Variants in RBFOX1 observed in about 807,000 individuals in gnomAD.
RBFOX1 encodes RNA binding fox-1 homolog 1.
A neutral mutation model predicts 57.7 loss-of-function variants in RBFOX1; 8 were observed. The observed-to-expected ratio is 0.14, with a 90% CI of 0.08 to 0.25. The LOEUF is 0.25. Ranked by LOEUF, RBFOX1 falls within the 10% of genes least tolerant of loss-of-function variation. The pLI is 1.00. For synonymous variants in RBFOX1, 326 were observed against 222.4 expected, an observed-to-expected ratio of 1.47 and a Z score of -4.15; for missense variants, 611 against 548.5, an observed-to-expected ratio of 1.11 and a Z score of -1.14.
chr16:6,325,763 G>C (rs1265689265), intron 2 of RBFOX1, among the ~76,000 whole-genome samples: 2 of 152,144 alleles, frequency 1.3e-5, no homozygotes, highest in Non-Finnish European at 2.9e-5. Flanking sequence ...CTTTTGAGAA[G>C]CTCCAAAGCA....
intron 3 of RBFOX1, among the ~76,000 whole-genome samples, chr16:6,951,134 T>C (rs575273488): frequency 1.6e-4 from 25 of 152,278 alleles, no homozygotes; most frequent in African/African-American, 6.0e-4. Flanking sequence ...CTTAAACTCC[T>C]GGACTCAACA....
At chr16:6,317,206 A>G (rs1052503708) in intron 2 of RBFOX1, 149 bp downstream of exon 2, 3 of 697,038 alleles carry the variant, frequency 4.3e-6, no homozygotes, top group Admixed American at 5.8e-5. Flanking sequence ...CTATTGTATC[A>G]GAGATGAGAA....
chr16:5,691,935 A>G (rs1354962655), intron 3 of RBFOX1, among the ~76,000 whole-genome samples: 1 of 152,130 alleles, frequency 6.6e-6, no homozygotes. Flanking sequence ...CTTTGTGGTC[A>G]TCTTGCTGTG....
At chr16:6,107,511 A>G (rs2096395533) in intron 1 of RBFOX1, among the ~76,000 whole-genome samples, 1 of 152,238 alleles carries the variant, frequency 6.6e-6, no homozygotes. Flanking sequence ...TATATCCTCT[A>G]TGTATTAATT....
chr16:5,973,704 G>C (rs2060007910), intron 4 of RBFOX1, among the ~76,000 whole-genome samples: 1 of 152,136 alleles, frequency 6.6e-6, no homozygotes, highest in Non-Finnish European at 1.5e-5. Flanking sequence ...GAGTTTCTTT[G>C]TTCTAAACAA....
chr16:7,138,687 A>G (rs994951476), intron 4 of RBFOX1, among the ~76,000 whole-genome samples: 5 of 152,156 alleles, frequency 3.3e-5, no homozygotes, highest in African/African-American at 1.2e-4. Flanking sequence ...CTAATCATCT[A>G]CCTTCATCAT....
intron 3 of RBFOX1, among the ~76,000 whole-genome samples, chr16:6,863,723 C>G (rs1420691049): frequency 1.0e-4 from 4 of 39,584 alleles, no homozygotes; most frequent in South Asian, 1.1e-3. Context: ...TGGATGCCTG[C>G]GCTTTTTTTT....
intron 4 of RBFOX1, among the ~76,000 whole-genome samples, chr16:7,275,504 G>A (rs1310205676): frequency 2.0e-5 from 3 of 152,250 alleles, no homozygotes; most frequent in Admixed American, 2.0e-4. Flanking sequence ...CTGCATATAT[G>A]TGCTTCCATA....
chr16:5,961,436 T>C (rs1380186082), intron 4 of RBFOX1, among the ~76,000 whole-genome samples: 2 of 152,224 alleles, frequency 1.3e-5, no homozygotes, highest in Non-Finnish European at 2.9e-5. Context: ...CTTCACACTA[T>C]ATTTGTTTGG....
intron 1 of RBFOX1, among the ~76,000 whole-genome samples, chr16:5,455,899 G>A (rs1489262784): frequency 6.6e-6 from 1 of 152,106 alleles, no homozygotes; most frequent in Non-Finnish European, 1.5e-5. Context: ...CCTTCACGTT[G>A]GGGTGGCAAT....
chr16:7,372,841 C>T (rs985504658), intron 4 of RBFOX1, among the ~76,000 whole-genome samples: 2 of 151,476 alleles, frequency 1.3e-5, no homozygotes, highest in African/African-American at 4.9e-5. Flanking sequence ...AAGTTATACT[C>T]AAATATACGA....
intron 2 of RBFOX1, among the ~76,000 whole-genome samples, chr16:5,529,820 A>G (rs2044393120): frequency 6.6e-6 from 1 of 152,072 alleles, no homozygotes; most frequent in African/African-American, 2.4e-5. Context: ...CACCCACCTC[A>G]GATTCCCAAA....
At chr16:5,419,424 T>A (rs2067249702) in intron 1 of RBFOX1, among the ~76,000 whole-genome samples, 1 of 152,002 alleles carries the variant, frequency 6.6e-6, no homozygotes, top group African/African-American at 2.4e-5. Flanking sequence ...TCTGCCAGAT[T>A]TTTTTCTGGC....
chr16:7,616,177 TCA>T (rs755282237), intron 10 of RBFOX1, among the ~76,000 whole-genome samples: 1 of 152,232 alleles, frequency 6.6e-6, no homozygotes, highest in Admixed American at 6.5e-5. Flanking sequence ...GCTGTTACAC[TCA>T]CAGTTAGTTT....
intron 3 of RBFOX1, among the ~76,000 whole-genome samples, chr16:7,009,518 C>G (rs1044641086): frequency 2.6e-5 from 4 of 151,962 alleles, no homozygotes; most frequent in Non-Finnish European, 5.9e-5. Flanking sequence ...AACAGACTTG[C>G]ATTAATTGTG....
intron 4 of RBFOX1, among the ~76,000 whole-genome samples, chr16:7,156,061 A>G (rs949326654): frequency 1.3e-5 from 2 of 152,000 alleles, no homozygotes; most frequent in Non-Finnish European, 2.9e-5. Context: ...ACATGTAGAT[A>G]GAGTTTCACC....
intron 4 of RBFOX1, among the ~76,000 whole-genome samples, chr16:7,348,663 C>T (rs1477767595): frequency 1.3e-5 from 2 of 152,172 alleles, no homozygotes; most frequent in South Asian, 2.1e-4. Flanking sequence ...CACAAAAGGC[C>T]GGTTGCCGTG....
intron 2 of RBFOX1, among the ~76,000 whole-genome samples, chr16:6,636,956 TATG>T (rs1466014913): frequency 2.3e-5 from 3 of 128,984 alleles, no homozygotes; most frequent in Admixed American, 8.7e-5. Context: ...ATACATAAAA[TATG>T]TATATTATGT....
intron 14 of RBFOX1, among the ~76,000 whole-genome samples, chr16:7,704,047 G>A (rs146494910): frequency 5.1e-4 from 78 of 152,264 alleles, no homozygotes; most frequent in African/African-American, 1.9e-3. Context: ...CCTTGAGTTA[G>A]GTAGGGCTCA....
Sources: allele counts gnomAD v4.1 joint callset (sites outside exome capture counted in the v4.1 genomes callset), GRCh38; gene constraint gnomAD v4.1.1; transcripts MANE v1.5; gene names NCBI Gene and HGNC (gene_info 2026-07-23, HGNC 2026-07-21).